Variants in PRDM1 observed in about 807,000 individuals in gnomAD.
PRDM1 encodes the protein PR domain zinc finger protein 1.
PRDM1 carries 13 observed loss-of-function variants against 62.8 expected under a neutral mutation model. The ratio of observed to expected loss-of-function variants is 0.21; its 90% CI spans 0.13 to 0.33. PRDM1 has a LOEUF of 0.33. PRDM1 is among the 10% of genes least tolerant of loss of function. The pLI, the probability that PRDM1 is intolerant of heterozygous loss-of-function variation, is 1.00. For missense variants in PRDM1, 895 were observed against 1,058.8 expected (o/e 0.85, Z 2.15); for synonymous variants, 396 against 417.6 (o/e 0.95, Z 0.63).
chr6:106,026,993 C>T (rs1454038816), intron 1 of PRDM1, among the ~76,000 whole-genome samples: 3 of 152,192 alleles, frequency 2.0e-5, no homozygotes, highest in South Asian at 2.1e-4. Flanking sequence ...CATTGCCTAC[C>T]GCAACTTGCA....
intron 2 of PRDM1, among the ~76,000 whole-genome samples, chr6:106,089,181 G>A (rs1350616403): frequency 2.0e-5 from 3 of 152,310 alleles, no homozygotes; most frequent in South Asian, 4.1e-4. Context: ...ATTATAGCTA[G>A]GCGTGATGTT....
intron 1 of PRDM1, chr6:106,087,703 G>C (rs1160122092): frequency 4.3e-6 from 1 of 232,664 alleles, no homozygotes; most frequent in Non-Finnish European, 8.5e-6. Context: ...ATTTGGAAAA[G>C]GCAGGCTGGG....
chr6:106,040,397 C>T (rs1191620022), intron 1 of PRDM1, among the ~76,000 whole-genome samples: 1 of 152,170 alleles, frequency 6.6e-6, no homozygotes, highest in Non-Finnish European at 1.5e-5. Flanking sequence ...TACGAGCACA[C>T]CACCTCCGTC....
chr6:106,006,196 G>T (rs957988128), intron 1 of PRDM1, among the ~76,000 whole-genome samples: 1 of 152,210 alleles, frequency 6.6e-6, no homozygotes, highest in African/African-American at 2.4e-5. Context: ...CACTTAATGC[G>T]TGTGTTCTAG....
Position 106,088,348 on chromosome 6 carries a change from G to C in PRDM1, c.190G>C (p.Asp64His), listed in dbSNP as rs1431841112. ...FEEKCTYIVN[D>H]HPWDSGADGG... The stretch of plus-strand genomic sequence containing the variant: ...AGAGAAGTGTACATACATTGTGAAC[G>C]ACCACCCCTGGGATTCTGGTGCTGA... Residue 64 changes from aspartate (D) to histidine (H), a missense_variant, in exon 2 of 7, where the codon GAC (aspartate) becomes CAC (histidine). Asp to His is a moderately conservative substitution (Grantham distance 81, BLOSUM62 -1). Transcript: ENST00000369096. 2 of 1,614,114 alleles carry C rather than the reference G, an allele frequency of 1.2e-6. No homozygotes were observed.
rs1772322645 is a variant in PRDM1 at position 105,994,570 on chromosome 6, T to C, written c.-67+931T>C. ...AGAAGTTTCCGAATGCTGAGTTCAT[T>C]TGGACGAGGTGAGGAGAACTAGGGT... On this transcript the variant is annotated intron_variant, in intron 1 of 6. Coordinates refer to the PRDM1 transcript ENST00000652320. This position sits in a 1 kb window ranked among gnomAD's most constrained non-coding sequence, Gnocchi z 4.1. 6.6e-6 allele frequency among the ~76,000 whole-genome samples: 1 copy of C among 152,076 alleles called. No homozygotes were observed. Among genetic ancestry groups the C allele is most frequent in the African/African-American group, 2.4e-5 (1 of 41,414 alleles).
At chr6:106,027,764 G>C (rs77222414) in intron 1 of PRDM1, among the ~76,000 whole-genome samples, 3,927 of 152,160 alleles carry the variant, frequency 0.026, 76 homozygotes, top group African/African-American at 0.051. Context: ...CTACAAATGA[G>C]GGGCAAAAAC....
At chr6:106,057,324 A>C (rs1484529379) in intron 1 of PRDM1, among the ~76,000 whole-genome samples, 1 of 152,224 alleles carries the variant, frequency 6.6e-6, no homozygotes, top group Admixed American at 6.5e-5. Flanking sequence ...AGAGAAAAGC[A>C]TATTCAAGAA....
chr6:106,104,862 G>A lies in PRDM1; in HGVS notation c.702G>A (p.Glu234=), dbSNP rs770033301. 1.5e-4 allele frequency: 239 copies of A among 1,613,826 alleles called. No individual in the cohort carries two copies. The highest frequency in any genetic ancestry group is 1.9e-4 in the Non-Finnish European group (230 of 1,180,004). Reference sequence around the variant, plus strand: ...GCAGTCTAAAGCAACCGAGCACTGAGAAAAATGAACTCTGCCCAAAGAATG... The same window carrying A: ...GCAGTCTAAAGCAACCGAGCACTGAAAAAAATGAACTCTGCCCAAAGAATG... ...TQSSLKQPST[E]KNELCPKNVP... Residue 234 remains glutamate (E), a synonymous_variant, in exon 5 of 7, where the codon GAG becomes GAA. Coordinates refer to ENST00000369096, the MANE Select transcript of PRDM1 (RefSeq NM_001198.4).
chr6:106,009,738 G>A (rs1207768720), intron 1 of PRDM1, among the ~76,000 whole-genome samples: 2 of 151,886 alleles, frequency 1.3e-5, no homozygotes, highest in Non-Finnish European at 2.9e-5. Context: ...TTTTTTTTGA[G>A]ATGGAGTCTT....
intron 1 of PRDM1, among the ~76,000 whole-genome samples, chr6:106,061,673 G>C (rs570487291): frequency 5.4e-4 from 82 of 152,194 alleles, no homozygotes; most frequent in Non-Finnish European, 9.7e-4. Flanking sequence ...TATTTGAGTT[G>C]AATGTCTTAA....
At chr6:106,084,898 T>G (rs986874527), upstream of PRDM1, among the ~76,000 whole-genome samples, 2 of 152,162 alleles carry the variant, frequency 1.3e-5, no homozygotes, top group African/African-American at 4.8e-5. Context: ...GTGCTAATCA[T>G]GTCCCCTAGT....
At chr6:106,080,925 T>TC (rs35732830) in intron 1 of PRDM1, among the ~76,000 whole-genome samples, 1 of 152,098 alleles carries the variant, frequency 6.6e-6, no homozygotes, top group Admixed American at 6.5e-5. Context: ...TTGCCCTGCT[T>TC]CCCCGGGGTG....
upstream of PRDM1, among the ~76,000 whole-genome samples, chr6:106,085,358 G>T (rs1008216614): frequency 6.6e-6 from 1 of 152,232 alleles, no homozygotes; most frequent in Admixed American, 6.5e-5. Flanking sequence ...TTGAAATGGG[G>T]TGTTTGCTAT....
intron 1 of PRDM1, among the ~76,000 whole-genome samples, chr6:106,030,996 CTTT>C (rs11343130): frequency 2.2e-5 from 3 of 135,318 alleles, no homozygotes; most frequent in East Asian, 2.1e-4. Context: ...TGTATTCTCT[CTTT>C]TTTTTTTTTT....
intron 2 of PRDM1, among the ~76,000 whole-genome samples, chr6:106,089,331 A>T (rs1773900717): frequency 3.3e-5 from 5 of 152,220 alleles, no homozygotes; most frequent in Admixed American, 2.0e-4. Context: ...AGCACAGAGC[A>T]CTGTCAATTC....
intron 1 of PRDM1, among the ~76,000 whole-genome samples, chr6:106,070,254 T>C (rs1420169794): frequency 1.3e-5 from 2 of 152,204 alleles, no homozygotes; most frequent in African/African-American, 4.8e-5. Context: ...TTCTAATTGT[T>C]TTAGATGTTT....
chr6:106,002,367 A>C (rs1384133052), intron 1 of PRDM1, among the ~76,000 whole-genome samples: 2 of 152,082 alleles, frequency 1.3e-5, no homozygotes, highest in African/African-American at 4.8e-5. Context: ...TACTTTGTTG[A>C]TGTTGCTGGG....
At chr6:106,047,262 G>T (rs1773095541), upstream of PRDM1, among the ~76,000 whole-genome samples, 1 of 152,240 alleles carries the variant, frequency 6.6e-6, no homozygotes, top group Non-Finnish European at 1.5e-5. Context: ...ACATGTAGTT[G>T]TACACAGCAT....
Sources: allele counts gnomAD v4.1 joint callset (sites outside exome capture counted in the v4.1 genomes callset), GRCh38; gene constraint gnomAD v4.1.1; non-coding constraint Gnocchi (gnomAD v3.1); transcripts MANE v1.5; gene names NCBI Gene and HGNC (gene_info 2026-07-23, HGNC 2026-07-21).